The following LRRC7 variants were observed in gnomAD, a reference collection of about 807,000 sequenced individuals.
LRRC7 encodes the protein leucine-rich repeat-containing protein 7.
Under a neutral mutation model 175.7 loss-of-function variants are expected in LRRC7, and 23 were observed. The observed-to-expected ratio is 0.13, with a 90% CI of 0.09 to 0.19. The LOEUF (loss-of-function observed/expected upper bound fraction) is 0.19, where lower values mean the gene tolerates loss of function less well. Among genes scored for constraint, LRRC7 ranks in the 10% least tolerant of loss-of-function variants. The pLI, the probability that LRRC7 is intolerant of heterozygous loss-of-function variation, is 1.00. For synonymous variants in LRRC7, 685 were observed against 680.9 expected (o/e 1.01, Z -0.09); for missense variants, 1,354 against 1,904.7 (o/e 0.71, Z 5.38).
chr1:69,573,331 A>G (rs1557654411), intron 1 of LRRC7, among the ~76,000 whole-genome samples: 1 of 152,138 alleles, frequency 6.6e-6, no homozygotes, highest in Non-Finnish European at 1.5e-5. Flanking sequence ...TCTGTAGATT[A>G]TGGAAGTTTT....
At chr1:69,710,278 CAAAAAAAA>C (rs77553066) in intron 2 of LRRC7, among the ~76,000 whole-genome samples, 2 of 87,214 alleles carry the variant, frequency 2.3e-5, no homozygotes, top group South Asian at 4.8e-4. Flanking sequence ...GACTCCGTCT[CAAAAAAAA>C]AAAAAAAAAA....
In LRRC7 at chr1:69,838,208, T is replaced by C; in HGVS notation, c.591-19T>C. On this transcript the variant is annotated intron_variant, in intron 6 of 26. Transcript: ENST00000651989. ...AGACAGACATACTAAGAGGAAATTTTTAAAATTCATTTCTGTAGACTTGTC... is the reference window on the plus strand; with the variant it reads ...AGACAGACATACTAAGAGGAAATTTCTAAAATTCATTTCTGTAGACTTGTC... 1 of 1,598,444 alleles carries C rather than the reference T, an allele frequency of 6.3e-7. No individual in the cohort carries two copies. Among genetic ancestry groups the C allele is most frequent in the Non-Finnish European group, 8.6e-7 (1 of 1,167,944 alleles).
chr1:69,712,888 C>T (rs867064170), intron 2 of LRRC7, among the ~76,000 whole-genome samples: 2 of 152,074 alleles, frequency 1.3e-5, no homozygotes, highest in Admixed American at 1.3e-4. Flanking sequence ...GGGAAAAAAG[C>T]AAGTCTATGC....
chr1:69,843,387 G>A (rs964286320), intron 7 of LRRC7, among the ~76,000 whole-genome samples: 51 of 151,960 alleles, frequency 3.4e-4, no homozygotes, highest in Non-Finnish European at 1.5e-4. Context: ...TTGTTAATAG[G>A]ATTAGATTTC....
chr1:70,059,893 T>C (rs1661443619), intron 23 of LRRC7, among the ~76,000 whole-genome samples: 2 of 152,066 alleles, frequency 1.3e-5, no homozygotes, highest in South Asian at 4.1e-4. Context: ...AGTAAACCAA[T>C]GTCATTTAAA....
chr1:69,615,012 G>A lies in LRRC7; in HGVS notation c.2+46371G>A, dbSNP rs531192226. Among the ~76,000 whole-genome samples, 388 of 151,948 alleles carry A rather than the reference G, an allele frequency of 2.6e-3. 3 individuals are homozygous for A. The highest frequency in any genetic ancestry group is 9.7e-3 in the Admixed American group (148 of 15,242). ...ATTTTCTTCTACTTTTTCCATCTTT[G>A]AGCCAAATATTTGGCATAAAACAAT... On this transcript the variant is annotated intron_variant, in intron 1 of 26. Transcript: ENST00000651989.
intron 8 of LRRC7, among the ~76,000 whole-genome samples, chr1:69,973,773 A>T (rs1477491905): frequency 6.6e-6 from 1 of 152,090 alleles, no homozygotes; most frequent in Non-Finnish European, 1.5e-5. Context: ...TTTAGTAGAG[A>T]TGGGATTTCG....
intron 1 of LRRC7, among the ~76,000 whole-genome samples, chr1:69,664,434 G>C (rs148781733): frequency 1.3e-5 from 2 of 152,092 alleles, no homozygotes; most frequent in Non-Finnish European, 2.9e-5. Context: ...AGCTGTGTAC[G>C]AGGACTCCCA....
intron 7 of LRRC7, among the ~76,000 whole-genome samples, chr1:69,869,570 T>C (rs921844214): frequency 6.6e-6 from 1 of 152,144 alleles, no homozygotes; most frequent in Non-Finnish European, 1.5e-5. Flanking sequence ...ACTATTCTCA[T>C]ATGTTATGTG....
chr1:70,035,554 G>C (rs1468828007), intron 18 of LRRC7, among the ~76,000 whole-genome samples: 1 of 140,834 alleles, frequency 7.1e-6, no homozygotes, highest in Non-Finnish European at 1.5e-5. Context: ...ACAGTAGAAA[G>C]TTAGGAGGAA....
rs545971299 is a variant in LRRC7, at chr1:69,744,523, TA to T, written c.101-15661del. ...CTCCATATATCTAGAAAATGTGAAA[TA>T]AAAAAAGGATTTGTCCTGAATGCAT... On this transcript the variant is annotated intron_variant, in intron 2 of 26. Coordinates refer to ENST00000651989, the MANE Select transcript of LRRC7 (RefSeq NM_001370785.2). 2.6e-5 allele frequency among the ~76,000 whole-genome samples: 4 copies of T among 151,750 alleles called. No individual in the cohort carries two copies. In the South Asian group the frequency reaches 6.2e-4, roughly 24 times the overall value.
intron 2 of LRRC7, among the ~76,000 whole-genome samples, chr1:69,730,509 T>A (rs1023592625): frequency 1.3e-5 from 2 of 152,116 alleles, no homozygotes; most frequent in African/African-American, 4.8e-5. Flanking sequence ...TTACTCCAGT[T>A]TCCAAGTTCC....
At chr1:69,589,310 G>A (rs191892906) in intron 1 of LRRC7, among the ~76,000 whole-genome samples, 7 of 152,066 alleles carry the variant, frequency 4.6e-5, no homozygotes, top group East Asian at 3.9e-4. Context: ...CCATACATCC[G>A]CCAGGACTAC....
At chr1:69,846,427 C>A (rs1401125064) in intron 7 of LRRC7, among the ~76,000 whole-genome samples, 1 of 151,946 alleles carries the variant, frequency 6.6e-6, no homozygotes, top group African/African-American at 2.4e-5. Flanking sequence ...ACTCTGATCC[C>A]TGATGATTAG....
intron 25 of LRRC7, among the ~76,000 whole-genome samples, chr1:70,101,214 A>T (rs922803798): frequency 2.0e-5 from 3 of 152,170 alleles, no homozygotes; most frequent in Non-Finnish European, 4.4e-5. Flanking sequence ...TTGCCTCTAG[A>T]AACACTCTTT....
At chr1:69,776,816 G>T (rs1672862551) in intron 3 of LRRC7, among the ~76,000 whole-genome samples, 1 of 151,822 alleles carries the variant, frequency 6.6e-6, no homozygotes, top group South Asian at 2.1e-4. Flanking sequence ...TTTTCATTTT[G>T]GTGTGGATCT....
intron 20 of LRRC7, among the ~76,000 whole-genome samples, chr1:70,037,333 G>A (rs907669533): frequency 6.6e-6 from 1 of 152,132 alleles, no homozygotes; most frequent in Admixed American, 6.5e-5. Flanking sequence ...AGTAATTCAT[G>A]AGTAACTTTT....
chr1:69,657,682 G>C (rs1439026024), intron 1 of LRRC7, among the ~76,000 whole-genome samples: 4 of 151,848 alleles, frequency 2.6e-5, no homozygotes, highest in Non-Finnish European at 2.9e-5. Flanking sequence ...AGAAAGCATA[G>C]GAAGAAAGGA....
At chr1:69,854,797 A>G (rs924924295) in intron 7 of LRRC7, among the ~76,000 whole-genome samples, 3 of 152,148 alleles carry the variant, frequency 2.0e-5, no homozygotes, top group African/African-American at 4.8e-5. Context: ...TTAAAAATCA[A>G]CAGTTCTACT....
Sources: gnomAD v4.1 joint callset for allele counts (sites outside exome capture counted in the v4.1 genomes callset) on GRCh38, gnomAD v4.1.1 for gene constraint, MANE v1.5 for transcripts, NCBI Gene and HGNC (gene_info 2026-07-23, HGNC 2026-07-21) for gene names.